The following PLXDC2 variants were observed in gnomAD, a reference collection of about 807,000 sequenced individuals.
PLXDC2 encodes the protein plexin domain-containing protein 2.
In PLXDC2, 40 loss-of-function variants were observed where a neutral mutation model predicts 68.9. The ratio of observed to expected loss-of-function variants is 0.58; its 90% CI spans 0.45 to 0.76. The LOEUF (loss-of-function observed/expected upper bound fraction) is 0.76. PLXDC2 is among the 30% of genes least tolerant of loss of function. The pLI is 0.00. For synonymous variants in PLXDC2, 243 were observed against 234.2 expected (o/e 1.04, Z -0.34); for missense variants, 644 against 661.9 (o/e 0.97, Z 0.30).
intron 1 of PLXDC2, among the ~76,000 whole-genome samples, chr10:19,864,588 T>C (rs1451624749): frequency 3.3e-5 from 5 of 152,214 alleles, no homozygotes; most frequent in Admixed American, 3.3e-4. Flanking sequence ...GCTGATGAGA[T>C]GCTGATATTT....
chr10:20,187,780 C>T lies in PLXDC2; in HGVS notation c.1061+10371C>T, dbSNP rs186813467. On this transcript the variant is annotated intron_variant, in intron 9 of 13. Transcript: ENST00000377252. ...TTTAACAAAAGTGAAAAATCAGAATCGATCTCGATGACACTTTCATAATTT... is the reference window on the plus strand; with the variant it reads ...TTTAACAAAAGTGAAAAATCAGAATTGATCTCGATGACACTTTCATAATTT... 1.0e-3 allele frequency among the ~76,000 whole-genome samples: 156 copies of T among 151,870 alleles called. 1 individual carries two copies. The highest frequency in any genetic ancestry group is 3.2e-3 in the African/African-American group (134 of 41,502).
At chr10:19,883,667 A>G (rs1033942424) in intron 1 of PLXDC2, among the ~76,000 whole-genome samples, 1 of 151,716 alleles carries the variant, frequency 6.6e-6, no homozygotes, top group Non-Finnish European at 1.5e-5. Flanking sequence ...TGCTCTTTTC[A>G]TGCTGTTTCT....
intron 4 of PLXDC2, among the ~76,000 whole-genome samples, chr10:20,098,571 T>C (rs551879029): frequency 6.6e-6 from 1 of 152,294 alleles, no homozygotes; most frequent in Non-Finnish European, 1.5e-5. Context: ...CATGAAGATG[T>C]TTATGATGGG....
At chr10:20,050,102 C>T (rs1835866092) in intron 3 of PLXDC2, among the ~76,000 whole-genome samples, 1 of 152,022 alleles carries the variant, frequency 6.6e-6, no homozygotes. Context: ...CAAAAACAAG[C>T]AATGGAGAAA....
intron 9 of PLXDC2, 103 bp from the exon 10 acceptor site, chr10:20,211,566 A>C (rs2131857724): frequency 1.0e-6 from 1 of 959,046 alleles, no homozygotes; most frequent in East Asian, 2.6e-5. Flanking sequence ...CTAAACTGAA[A>C]ATGTGAGAAT....
chr10:20,234,147 A>G (rs924626715), intron 12 of PLXDC2, among the ~76,000 whole-genome samples: 1 of 152,152 alleles, frequency 6.6e-6, no homozygotes, highest in African/African-American at 2.4e-5. Flanking sequence ...AGAGTTTTAA[A>G]GTCCAAGGGA....
chr10:20,201,800 G>C (rs138751029), intron 9 of PLXDC2, among the ~76,000 whole-genome samples: 1 of 152,002 alleles, frequency 6.6e-6, no homozygotes, highest in Non-Finnish European at 1.5e-5. Flanking sequence ...TATGGACATG[G>C]GAAAATGCCT....
chr10:20,208,777 A>G (rs1440692530), intron 9 of PLXDC2, among the ~76,000 whole-genome samples: 1 of 152,104 alleles, frequency 6.6e-6, no homozygotes, highest in Non-Finnish European at 1.5e-5. Context: ...AGGTACTTTT[A>G]TATTTTCCCT....
At chr10:20,039,178 A>G (rs563105486) in intron 2 of PLXDC2, among the ~76,000 whole-genome samples, 2 of 152,270 alleles carry the variant, frequency 1.3e-5, no homozygotes, top group South Asian at 4.1e-4. Flanking sequence ...ACCCACAACT[A>G]TGTGAGAATG....
At chr10:19,840,169 A>C (rs556104246) in intron 1 of PLXDC2, among the ~76,000 whole-genome samples, 3 of 152,282 alleles carry the variant, frequency 2.0e-5, no homozygotes, top group Non-Finnish European at 2.9e-5. Context: ...ATTGACAGTT[A>C]ATATCTATAT....
intron 12 of PLXDC2, among the ~76,000 whole-genome samples, chr10:20,233,957 A>C (rs1835397930): frequency 6.6e-6 from 1 of 150,494 alleles, no homozygotes; most frequent in Admixed American, 6.6e-5. Flanking sequence ...AGTAGCTGGG[A>C]CTACAGTTAT....
At chr10:19,837,179 T>C (rs1429946374) in intron 1 of PLXDC2, among the ~76,000 whole-genome samples, 1 of 151,518 alleles carries the variant, frequency 6.6e-6, no homozygotes, top group African/African-American at 2.4e-5. Flanking sequence ...ACCTGTAACA[T>C]GTTACCCAGC....
At chr10:19,867,113 T>C (rs1460642115) in intron 1 of PLXDC2, among the ~76,000 whole-genome samples, 1 of 147,178 alleles carries the variant, frequency 6.8e-6, no homozygotes, top group Non-Finnish European at 1.5e-5. Flanking sequence ...TTGCCCAGGC[T>C]GGAGTGCAAT....
chr10:20,159,898 C>A (rs533296496), intron 6 of PLXDC2, among the ~76,000 whole-genome samples: 1 of 152,138 alleles, frequency 6.6e-6, no homozygotes, highest in African/African-American at 2.4e-5. Context: ...AGAGCTTCTG[C>A]GACTCTCTTC....
At chr10:19,987,832 T>G (rs1280163815) in intron 1 of PLXDC2, among the ~76,000 whole-genome samples, 2 of 152,184 alleles carry the variant, frequency 1.3e-5, no homozygotes, top group African/African-American at 4.8e-5. Flanking sequence ...CCTCCCAAAG[T>G]GCTGGGATTA....
chr10:19,992,065 T>C (rs535938614), intron 1 of PLXDC2, among the ~76,000 whole-genome samples: 1 of 152,304 alleles, frequency 6.6e-6, no homozygotes, highest in Admixed American at 6.5e-5. Flanking sequence ...TACCAAGTGG[T>C]TTTAGTTGAT....
chr10:20,198,509 C>T (rs1423659625), intron 9 of PLXDC2, among the ~76,000 whole-genome samples: 1 of 152,042 alleles, frequency 6.6e-6, no homozygotes, highest in Admixed American at 6.6e-5. Context: ...ACTAATCTCA[C>T]AAGAGAAATG....
At chr10:20,006,870 G>T (rs950558786) in intron 2 of PLXDC2, among the ~76,000 whole-genome samples, 5 of 152,224 alleles carry the variant, frequency 3.3e-5, no homozygotes, top group African/African-American at 9.7e-5. Flanking sequence ...GGGCCCAACA[G>T]ATGGCAAATG....
chr10:20,045,162 T>A (rs1038189110), intron 2 of PLXDC2, among the ~76,000 whole-genome samples: 2 of 152,152 alleles, frequency 1.3e-5, no homozygotes, highest in African/African-American at 4.8e-5. Flanking sequence ...CAGAGTTTAA[T>A]TGCAGATATA....
Sources: allele counts gnomAD v4.1 joint callset (sites outside exome capture counted in the v4.1 genomes callset), GRCh38; gene constraint gnomAD v4.1.1; transcripts MANE v1.5; gene names NCBI Gene and HGNC (gene_info 2026-07-23, HGNC 2026-07-21).